GLRB: variants seen among roughly 807,000 people sequenced by gnomAD.
GLRB encodes glycine receptor beta.
In GLRB, 33 loss-of-function variants were observed where a neutral mutation model predicts 54.2. The ratio of observed to expected loss-of-function variants is 0.61; its 90% confidence interval spans 0.46 to 0.81. The LOEUF (loss-of-function observed/expected upper bound fraction) is 0.81, where lower values mean the gene tolerates loss of function less well. GLRB is among the 40% of genes least tolerant of loss of function. GLRB has a pLI of 0.00. For synonymous variants in GLRB, 209 were observed against 208.2 expected (o/e 1.00, Z -0.03); for missense variants, 572 against 584.6 (o/e 0.98, Z 0.22).
intron 9 of GLRB, among the ~76,000 whole-genome samples, chr4:157,159,115 T>C (rs1450485787): frequency 6.6e-6 from 1 of 152,210 alleles, no homozygotes; most frequent in Non-Finnish European, 1.5e-5. Context: ...AGTTCGCTCA[T>C]GATTTGGCTC....
At chr4:157,109,997 A>G (rs1735359025) in intron 2 of GLRB, among the ~76,000 whole-genome samples, 1 of 151,994 alleles carries the variant, frequency 6.6e-6, no homozygotes, top group Admixed American at 6.6e-5. Context: ...TGGAGGCATC[A>G]TCATAAAGCC....
intron 9 of GLRB, among the ~76,000 whole-genome samples, chr4:157,159,391 G>A (rs1199458541): frequency 1.3e-5 from 2 of 152,018 alleles, no homozygotes; most frequent in Non-Finnish European, 2.9e-5. Context: ...GCTAAGAGAG[G>A]GCATCCCTGT....
chr4:157,109,486 C>T (rs1322332301), intron 2 of GLRB, among the ~76,000 whole-genome samples: 1 of 151,984 alleles, frequency 6.6e-6, no homozygotes, highest in East Asian at 1.9e-4. Context: ...TAGAATACTT[C>T]TGACAACAGA....
intron 2 of GLRB, among the ~76,000 whole-genome samples, chr4:157,104,954 C>T (rs1024829501): frequency 3.3e-5 from 5 of 151,446 alleles, no homozygotes; most frequent in African/African-American, 1.2e-4. Context: ...TTAGTTGCAT[C>T]TTCTTTCTTC....
Position 157,136,670 on chromosome 4 carries a change from C to T in GLRB, c.499C>T (p.Arg167Cys), listed in dbSNP as rs145671356. Residue 167 changes from arginine (R) to cysteine (C), a missense_variant, in exon 5 of 10, where the codon CGT becomes TGT. Arg to Cys is a radical substitution (Grantham distance 180). Coordinates refer to ENST00000264428, the MANE Select transcript of GLRB (RefSeq NM_000824.5). Reference protein sequence around the residue: ...TQENILLFIFRDGDVLVSMRL... With the variant: ...TQENILLFIFCDGDVLVSMRL... ...GGAAAACATCCTCCTCTTTATTTTT[C>T]GTGATGGAGATGTCCTTGTCAGCAT... 7.5e-6 allele frequency: 12 copies of T among 1,609,218 alleles called. No individual in the cohort carries two copies. Among genetic ancestry groups the T allele is most frequent in the Non-Finnish European group, 1.0e-5 (12 of 1,175,734 alleles).
chr4:157,076,170 G>A lies in GLRB; in HGVS notation c.-157G>A. 1 of 149,690 alleles carries A rather than the reference G, an allele frequency of 6.7e-6. No individual in the cohort carries two copies. Among genetic ancestry groups the A allele is most frequent in the East Asian group, 2.0e-4 (1 of 5,112 alleles). 9.3% of individuals were successfully genotyped at this position (149,690 alleles called of 1,614,324 possible). A position where few individuals can be genotyped will look rare whatever the true frequency, so the allele number is the denominator to read the frequency against. The stretch of plus-strand genomic sequence containing the variant: ...CGAGCAGGCGCGTCAGCCGAGCTCG[G>A]CGGTGGCGCGGGCGGCTGGGACGCA... On this transcript the variant is annotated 5_prime_UTR_variant, in exon 1 of 10. Transcript: ENST00000264428.
chr4:157,102,086 T>C (rs745981156), intron 2 of GLRB, among the ~76,000 whole-genome samples: 33 of 152,330 alleles, frequency 2.2e-4, no homozygotes, highest in Non-Finnish European at 4.0e-4. Flanking sequence ...TGGATTTTTT[T>C]CTGTGCTAAA....
chr4:157,171,652 T>C lies in GLRB; in HGVS notation c.*924T>C, dbSNP rs892772005. The C allele has an allele frequency of 2.0e-5, 3 of 152,390 alleles. No individual in the cohort carries two copies. Among genetic ancestry groups the C allele is most frequent in the Non-Finnish European group, 4.4e-5 (3 of 67,834 alleles). 9.4% of individuals were successfully genotyped at this position (152,390 alleles called of 1,614,324 possible). A position where few individuals can be genotyped will look rare whatever the true frequency, so the allele number is the denominator to read the frequency against. On this transcript the variant is annotated 3_prime_UTR_variant, in exon 10 of 10. Transcript: ENST00000264428. ...GAAATCCATAACTATTAAAAGATTT[T>C]AACTTTTTTATTTTATTAAAATGCT...
intron 2 of GLRB, among the ~76,000 whole-genome samples, chr4:157,107,488 A>C: frequency 6.6e-6 from 1 of 152,084 alleles, no homozygotes; most frequent in East Asian, 1.9e-4. Flanking sequence ...GAGCTGGAGA[A>C]AGGTTAAGTG....
rs2126566107 is a variant in GLRB at position 157,136,538 on chromosome 4, AG to A, written c.371del (p.Gly124ValfsTer5). 21 of 1,612,958 alleles carry A rather than the reference AG, an allele frequency of 1.3e-5. No homozygotes were observed. Among genetic ancestry groups the A allele is most frequent in the Non-Finnish European group, 1.8e-5 (21 of 1,178,974 alleles). On this transcript the variant is annotated frameshift_variant, in exon 5 of 10. Transcript: ENST00000264428. LOFTEE classifies it high-confidence loss of function. The stretch of plus-strand genomic sequence containing the variant: ...CAGGCTGAAGCTCCCCAGTGATTTT[AG>A]GGGTTCAGATGCACTGACAGTGGAT... ...DPRLKLPSDF[R>X]GSDALTVDPT...
chr4:157,076,436 C>G (rs1734032868), intron 1 of GLRB, 139 bp downstream of exon 1: 4 of 151,698 alleles, frequency 2.6e-5, no homozygotes, highest in Admixed American at 2.6e-4. Context: ...CTGCGGCGTG[C>G]CCGGGAGGAC....
chr4:157,124,143 C>T lies in GLRB; in HGVS notation c.297+1746C>T, dbSNP rs540667306. 1.6e-3 allele frequency among the ~76,000 whole-genome samples: 240 copies of T among 151,746 alleles called. 1 individual carries two copies. The highest frequency in any genetic ancestry group is 5.5e-3 in the African/African-American group (229 of 41,472). On this transcript the variant is annotated intron_variant, in intron 4 of 9. Transcript: ENST00000264428. ...TGATGATTATGATAAAATATTTCAT[C>T]ATTTCTAATATCCTCTCACTCATCT... is the stretch of plus-strand genomic sequence containing the variant.
At chr4:157,154,386 T>C (rs1737143309) in intron 9 of GLRB, among the ~76,000 whole-genome samples, 1 of 151,774 alleles carries the variant, frequency 6.6e-6, no homozygotes, top group Admixed American at 6.6e-5. Context: ...TTCTTTGTTT[T>C]GTTTATTTTG....
intron 2 of GLRB, among the ~76,000 whole-genome samples, chr4:157,079,021 G>A (rs1366933902): frequency 2.0e-5 from 3 of 152,108 alleles, no homozygotes; most frequent in Admixed American, 1.3e-4. Flanking sequence ...TGATCTGCTC[G>A]CCTTGGCATC....
chr4:157,114,325 GTCTC>G lies in GLRB; in HGVS notation c.123-6221_123-6218del, dbSNP rs771410612. Among the ~76,000 whole-genome samples the G allele has an allele frequency of 3.8e-3, 567 of 149,662 alleles. 13 individuals carry two copies. The highest frequency in any genetic ancestry group is 3.6e-3 in the Admixed American group (54 of 14,988). The stretch of plus-strand genomic sequence containing the variant: ...CTCTCCTGACTCAGTGTCTTTCCTG[GTCTC>G]TCTCTCTCTTTCTTTTTTTTTTTTC... On this transcript the variant is annotated intron_variant, in intron 2 of 9. Transcript: ENST00000264428.
intron 9 of GLRB, among the ~76,000 whole-genome samples, chr4:157,155,369 G>A (rs528081373): frequency 1.3e-5 from 2 of 152,224 alleles, no homozygotes; most frequent in South Asian, 4.1e-4. Flanking sequence ...GGCCTCAAGT[G>A]ATCCACCTGC....
chr4:157,093,994 T>C (rs1734714954), intron 2 of GLRB, among the ~76,000 whole-genome samples: 1 of 152,224 alleles, frequency 6.6e-6, no homozygotes, highest in African/African-American at 2.4e-5. Flanking sequence ...TCTGTCTTTC[T>C]GCCTCAATCT....
chr4:157,076,482 C>A (rs1734036232), intron 1 of GLRB, 185 bp downstream of exon 1: 1 of 151,328 alleles, frequency 6.6e-6, no homozygotes, highest in African/African-American at 2.4e-5. Flanking sequence ...GCGCGGGGCG[C>A]CTGGCAGCGG....
At chr4:157,168,282 A>G (rs1560981118) in intron 9 of GLRB, among the ~76,000 whole-genome samples, 1 of 152,250 alleles carries the variant, frequency 6.6e-6, no homozygotes, top group Admixed American at 6.5e-5. Flanking sequence ...AAGTGGAGTG[A>G]GGGGGTGCAG....
Sources: gnomAD v4.1 joint callset for allele counts (sites outside exome capture counted in the v4.1 genomes callset) on GRCh38, gnomAD v4.1.1 for gene constraint, MANE v1.5 for transcripts, NCBI Gene and HGNC (gene_info 2026-07-23, HGNC 2026-07-21) for gene names.